Variants in ACSF3 observed in about 807,000 individuals in gnomAD.
ACSF3 encodes the protein acyl-CoA synthetase family member 3.
ACSF3 carries 78 observed loss-of-function variants against 53.2 expected under a neutral mutation model. The observed-to-expected ratio is 1.47, with a 90% CI of 1.22 to 1.77. The LOEUF is 1.77. ACSF3 is among the 40% of genes most tolerant of loss of function. The pLI is 0.00. For missense variants in ACSF3, 937 were observed against 771.1 expected (o/e 1.22, Z -2.55); for synonymous variants, 414 against 333.1 (o/e 1.24, Z -2.65).
chr16:89,116,480 G>A (rs531068047), intron 6 of ACSF3, among the ~76,000 whole-genome samples: 5 of 152,298 alleles, frequency 3.3e-5, no homozygotes, highest in South Asian at 4.1e-4. Context: ...GTAGGCTCAC[G>A]CCCCTTTGCT....
At chr16:89,103,017 A>G (rs1358270214) in intron 4 of ACSF3, among the ~76,000 whole-genome samples, 1 of 152,236 alleles carries the variant, frequency 6.6e-6, no homozygotes, top group African/African-American at 2.4e-5. Context: ...CGTACCTATG[A>G]TAAAGCTTAA....
intron 8 of ACSF3, among the ~76,000 whole-genome samples, chr16:89,134,653 A>G (rs1211065502): frequency 1.3e-5 from 2 of 152,346 alleles, no homozygotes; most frequent in Non-Finnish European, 1.5e-5. Flanking sequence ...TGCCAGGTTT[A>G]TATCCCGATC....
chr16:89,099,451 A>G (rs1975013745), intron 2 of ACSF3, among the ~76,000 whole-genome samples: 1 of 152,210 alleles, frequency 6.6e-6, no homozygotes, highest in African/African-American at 2.4e-5. Flanking sequence ...AGTTCAACCT[A>G]AAACACGTTT....
intron 6 of ACSF3, among the ~76,000 whole-genome samples, chr16:89,120,013 G>A (rs1190958124): frequency 6.6e-6 from 1 of 152,214 alleles, no homozygotes; most frequent in Non-Finnish European, 1.5e-5. Flanking sequence ...CTGCCCCTAG[G>A]TCATGCCCGT....
intron 4 of ACSF3, among the ~76,000 whole-genome samples, chr16:89,109,650 A>G (rs1379374723): frequency 6.6e-6 from 1 of 152,084 alleles, no homozygotes; most frequent in African/African-American, 2.4e-5. Context: ...GACCTCAAGT[A>G]ACCTGCCTGC....
At chr16:89,100,558 C>A in intron 2 of ACSF3, 104 bp from the exon 3 acceptor site, 4 of 1,145,294 alleles carry the variant, frequency 3.5e-6, no homozygotes, top group South Asian at 1.4e-5. Flanking sequence ...GAAGGTGCAG[C>A]AGGCGTACCT....
intron 8 of ACSF3, among the ~76,000 whole-genome samples, chr16:89,133,699 C>A (rs1909821000): frequency 6.6e-6 from 1 of 152,244 alleles, no homozygotes; most frequent in Non-Finnish European, 1.5e-5. Context: ...CACACTTGTG[C>A]CCTCCACATC....
At chr16:89,132,858 C>T (rs1909618830) in intron 7 of ACSF3, among the ~76,000 whole-genome samples, 1 of 152,250 alleles carries the variant, frequency 6.6e-6, no homozygotes, top group Non-Finnish European at 1.5e-5. Context: ...GGTAGGAGCA[C>T]GTTCTTCTGT....
At chr16:89,106,419 A>T (rs1160295086) in intron 4 of ACSF3, among the ~76,000 whole-genome samples, 1 of 151,662 alleles carries the variant, frequency 6.6e-6, no homozygotes, top group Admixed American at 6.6e-5. Context: ...CAGCCTCCTG[A>T]GTAGCTGGGA....
chr16:89,145,018 C>T (rs756028033), intron 8 of ACSF3: 2 of 1,019,120 alleles, frequency 2.0e-6, no homozygotes, highest in Non-Finnish European at 2.9e-6. Context: ...GAAGGGACCC[C>T]ACAGGAAGGG....
intron 10 of ACSF3, chr16:89,148,387 A>T (rs1913503960): frequency 6.6e-6 from 1 of 151,884 alleles, no homozygotes; most frequent in African/African-American, 2.4e-5. Flanking sequence ...GGCGTGAGCA[A>T]CCCCACCCAG....
At chr16:89,117,236 G>A (rs557037142) in intron 6 of ACSF3, among the ~76,000 whole-genome samples, 14 of 152,288 alleles carry the variant, frequency 9.2e-5, no homozygotes, top group African/African-American at 2.6e-4. Context: ...CTTTGTGGGC[G>A]TCCTCTCTTT....
intron 4 of ACSF3, among the ~76,000 whole-genome samples, chr16:89,104,999 A>T (rs571766431): frequency 8.9e-6 from 1 of 112,858 alleles, no homozygotes; most frequent in Admixed American, 1.1e-4. Context: ...AGCTCCCTCC[A>T]CTGCTCTTCA....
chr16:89,134,486 G>A (rs1598046717), intron 8 of ACSF3, among the ~76,000 whole-genome samples: 1 of 152,268 alleles, frequency 6.6e-6, no homozygotes, highest in Non-Finnish European at 1.5e-5. Context: ...AGTCAGCGGC[G>A]GGTCTGCAAC....
At chr16:89,107,371 G>A (rs1280965365) in intron 4 of ACSF3, among the ~76,000 whole-genome samples, 1 of 147,250 alleles carries the variant, frequency 6.8e-6, no homozygotes, top group Non-Finnish European at 1.5e-5. Flanking sequence ...TGCTGTCCCC[G>A]CCTCAGCACC....
intron 4 of ACSF3, among the ~76,000 whole-genome samples, chr16:89,106,313 G>A (rs576829151): frequency 1.4e-4 from 20 of 142,228 alleles, no homozygotes; most frequent in African/African-American, 5.2e-4. Flanking sequence ...TTTTTTTTGA[G>A]ATGGAGTCTC....
chr16:89,151,532 G>A (rs899345691), intron 10 of ACSF3: 5 of 257,766 alleles, frequency 1.9e-5, no homozygotes, highest in South Asian at 4.2e-5. Flanking sequence ...AAGACAACAC[G>A]TCATGATCAA....
rs200352879 is a variant in ACSF3, at chr16:89,112,222, G to A, written c.953G>A (p.Arg318His). The A allele has an allele frequency of 8.1e-5, 130 of 1,614,032 alleles. No homozygotes were observed. The highest frequency in any genetic ancestry group is 9.7e-5 in the Non-Finnish European group (115 of 1,180,050). Residue 318 changes from arginine (R) to histidine (H), a missense_variant, in exon 5 of 11, where the codon CGT (arginine) becomes CAT (histidine). Coordinates refer to ENST00000614302, the MANE Select transcript of ACSF3 (RefSeq NM_001243279.3). The part of the protein sequence containing the change: ...FTQPHAQDFL[R>H]AVCEEKIRLM... ...CAGCCGCACGCCCAGGATTTCTTGC[G>A]TGCAGTTTGTGAAGAAAAAATTAGG...
chr16:89,117,161 T>C (rs571226050), intron 6 of ACSF3, among the ~76,000 whole-genome samples: 12 of 152,292 alleles, frequency 7.9e-5, no homozygotes, highest in African/African-American at 2.9e-4. Context: ...GCAGGACAAG[T>C]TCTGTGTATT....
Sources: allele counts gnomAD v4.1 joint callset (sites outside exome capture counted in the v4.1 genomes callset), GRCh38; gene constraint gnomAD v4.1.1; transcripts MANE v1.5; gene names NCBI Gene and HGNC (gene_info 2026-07-23, HGNC 2026-07-21).